Variants in ZBTB20 observed in about 807,000 individuals in gnomAD.
The protein encoded by ZBTB20 is zinc finger and BTB domain-containing protein 20.
Under a neutral mutation model 56.9 loss-of-function variants are expected in ZBTB20, and 9 were observed. The observed-to-expected ratio is 0.16, with a 90% CI of 0.10 to 0.28. ZBTB20 has a LOEUF of 0.28. Among genes scored for constraint, ZBTB20 ranks in the 10% least tolerant of loss-of-function variants. The pLI is 1.00. For synonymous variants in ZBTB20, 417 were observed against 420.7 expected, an observed-to-expected ratio of 0.99 and a Z score of 0.11; for missense variants, 655 against 1,003.0, an observed-to-expected ratio of 0.65 and a Z score of 4.69.
intron 6 of ZBTB20, among the ~76,000 whole-genome samples, chr3:114,568,858 G>A (rs922446778): frequency 1.3e-5 from 2 of 152,002 alleles, no homozygotes; most frequent in South Asian, 2.1e-4. Context: ...TTTAACCTCC[G>A]CTTTTTGCTA....
At chr3:115,059,616 G>A (rs568215869) in intron 2 of ZBTB20, among the ~76,000 whole-genome samples, 1 of 152,264 alleles carries the variant, frequency 6.6e-6, no homozygotes. Flanking sequence ...CAATCCTTTT[G>A]CAGATTTCCA....
chr3:114,783,293 C>A (rs1294904631), intron 5 of ZBTB20, among the ~76,000 whole-genome samples: 1 of 152,080 alleles, frequency 6.6e-6, no homozygotes, highest in Non-Finnish European at 1.5e-5. Context: ...TTTTTATTGA[C>A]CTTGAATTTC....
intron 7 of ZBTB20, among the ~76,000 whole-genome samples, chr3:114,455,929 G>A (rs888497864): frequency 4.6e-5 from 7 of 152,014 alleles, no homozygotes; most frequent in African/African-American, 1.7e-4. Flanking sequence ...TAGTAGAGAG[G>A]AAACTGAGGC....
chr3:114,913,541 C>T (rs550849213), intron 3 of ZBTB20, among the ~76,000 whole-genome samples: 2 of 152,162 alleles, frequency 1.3e-5, no homozygotes, highest in East Asian at 3.9e-4. Flanking sequence ...GTTGTCTCTT[C>T]ACTTTGTTGA....
chr3:114,571,299 T>C (rs1450924202), intron 6 of ZBTB20, among the ~76,000 whole-genome samples: 1 of 152,186 alleles, frequency 6.6e-6, no homozygotes, highest in African/African-American at 2.4e-5. Context: ...ATAGCAATTC[T>C]ATAAAAAACA....
chr3:114,379,470 T>C (rs910626108), intron 10 of ZBTB20, among the ~76,000 whole-genome samples: 3 of 152,252 alleles, frequency 2.0e-5, no homozygotes, highest in African/African-American at 7.2e-5. Flanking sequence ...CTAAACGTGA[T>C]TTATCAACTT....
At chr3:114,514,345 C>G (rs1380006476) in intron 6 of ZBTB20, among the ~76,000 whole-genome samples, 1 of 152,108 alleles carries the variant, frequency 6.6e-6, no homozygotes, top group Non-Finnish European at 1.5e-5. Context: ...ATGTTCATCT[C>G]AGTCCACTCA....
intron 6 of ZBTB20, among the ~76,000 whole-genome samples, chr3:114,532,088 A>C (rs1028726934): frequency 2.0e-5 from 3 of 152,200 alleles, no homozygotes; most frequent in African/African-American, 7.2e-5. Flanking sequence ...AGCTAGCTGC[A>C]GGAATTATTT....
At chr3:114,748,143 T>C (rs1245750475) in intron 5 of ZBTB20, among the ~76,000 whole-genome samples, 1 of 151,986 alleles carries the variant, frequency 6.6e-6, no homozygotes, top group Non-Finnish European at 1.5e-5. Context: ...AGAGGAAGGG[T>C]GAACATGGGA....
intron 4 of ZBTB20, among the ~76,000 whole-genome samples, chr3:114,833,983 GTTCT>G (rs1377353197): frequency 1.3e-5 from 2 of 152,056 alleles, no homozygotes; most frequent in Non-Finnish European, 1.5e-5. Context: ...GAATCTCAAT[GTTCT>G]TTCTATTTTT....
At chr3:114,788,703 ATAGT>A (rs1387880775) in intron 5 of ZBTB20, among the ~76,000 whole-genome samples, 8 of 152,146 alleles carry the variant, frequency 5.3e-5, no homozygotes, top group African/African-American at 1.9e-4. Flanking sequence ...TTCATTTACA[ATAGT>A]TAGGTTTAAA....
At chr3:114,395,468 G>A (rs1185080995) in intron 7 of ZBTB20, among the ~76,000 whole-genome samples, 1 of 152,010 alleles carries the variant, frequency 6.6e-6, no homozygotes, top group Admixed American at 6.6e-5. Context: ...AGGAAGATGT[G>A]GGAATTAAGT....
At chr3:114,984,142 C>T (rs2108104508) in intron 2 of ZBTB20, among the ~76,000 whole-genome samples, 1 of 152,082 alleles carries the variant, frequency 6.6e-6, no homozygotes, top group East Asian at 1.9e-4. Flanking sequence ...TATTTTTCTT[C>T]TGTGAGACTG....
At chr3:114,902,848 A>C (rs759507761) in intron 3 of ZBTB20, among the ~76,000 whole-genome samples, 6 of 152,304 alleles carry the variant, frequency 3.9e-5, no homozygotes, top group South Asian at 4.1e-4. Flanking sequence ...TGTTATGACA[A>C]CACCACCAGG....
intron 2 of ZBTB20, among the ~76,000 whole-genome samples, chr3:115,019,559 G>A (rs928241579): frequency 2.0e-5 from 3 of 151,172 alleles, no homozygotes; most frequent in East Asian, 1.9e-4. Context: ...AAAAATTAGC[G>A]GACATCTAAG....
chr3:114,341,946 C>A (rs2079808067), intron 11 of ZBTB20, among the ~76,000 whole-genome samples: 1 of 152,174 alleles, frequency 6.6e-6, no homozygotes, highest in South Asian at 2.1e-4. Context: ...TTAAATAAGA[C>A]AAAGTATCCT....
chr3:114,758,980 C>T (rs1189702121), intron 5 of ZBTB20: 1 of 152,018 alleles, frequency 6.6e-6, no homozygotes, highest in Non-Finnish European at 1.5e-5. Context: ...CTTTCTAACC[C>T]TCGAGAATGT....
At chr3:114,392,247 A>G (rs2085945126) in intron 7 of ZBTB20, among the ~76,000 whole-genome samples, 1 of 152,186 alleles carries the variant, frequency 6.6e-6, no homozygotes, top group Non-Finnish European at 1.5e-5. Flanking sequence ...ATAATAACTT[A>G]ATCGTACATT....
intron 4 of ZBTB20, among the ~76,000 whole-genome samples, chr3:114,810,386 CT>C (rs1469770433): frequency 6.6e-6 from 1 of 152,136 alleles, no homozygotes; most frequent in Non-Finnish European, 1.5e-5. Flanking sequence ...TTGTTTGCCC[CT>C]GAGATTGTCA....
Sources: gnomAD v4.1 joint callset for allele counts (sites outside exome capture counted in the v4.1 genomes callset) on GRCh38, gnomAD v4.1.1 for gene constraint, MANE v1.5 for transcripts, NCBI Gene and HGNC (gene_info 2026-07-23, HGNC 2026-07-21) for gene names.